Variants in NUP210L observed in about 807,000 individuals in gnomAD.
NUP210L encodes the protein nucleoporin 210 like.
A neutral mutation model predicts 208.5 loss-of-function variants in NUP210L; 74 were observed. The observed-to-expected ratio is 0.35, with a 90% CI of 0.29 to 0.43. The LOEUF (loss-of-function observed/expected upper bound fraction) is 0.43, where lower values mean the gene tolerates loss of function less well. Among genes scored for constraint, NUP210L ranks in the 20% least tolerant of loss-of-function variants. NUP210L has a pLI of 1.00. For synonymous variants in NUP210L, 780 were observed against 816.9 expected (o/e 0.95, Z 0.77); for missense variants, 1,843 against 2,289.4 (o/e 0.81, Z 3.98).
intron 17 of NUP210L, 71 bp downstream of exon 17, chr1:154,070,197 AAAAAC>A (rs1003958607): frequency 1.3e-4 from 166 of 1,280,054 alleles, no homozygotes; most frequent in South Asian, 8.2e-4. Flanking sequence ...ACTTAAAGCA[AAAAAC>A]AAAACAAAAC....
chr1:154,081,761 TGCCTGAGCCCAGGAGTTCAAGACCA>T (rs1655340410), intron 16 of NUP210L, among the ~76,000 whole-genome samples: 3 of 152,156 alleles, frequency 2.0e-5, no homozygotes, highest in African/African-American at 7.2e-5. Context: ...ACAGGAAGAC[TGCCTGAGCCCAGGAGTTCAAGACCA>T]GCCTGGGCAA....
chr1:153,992,708 G>A (rs1649526640), exon 40 of NUP210L: 2 of 689,304 alleles, frequency 2.9e-6, no homozygotes, highest in African/African-American at 1.8e-5. Context: ...AACAGCTTAG[G>A]ATGCTTTATT....
chr1:154,092,759 C>T (rs1301483992), intron 15 of NUP210L, among the ~76,000 whole-genome samples: 1 of 152,004 alleles, frequency 6.6e-6, no homozygotes, highest in East Asian at 1.9e-4. Flanking sequence ...GGATCTTGCA[C>T]TGTCACCCAG....
At chr1:154,080,055 T>A (rs1655240009) in intron 16 of NUP210L, 1 of 151,846 alleles carries the variant, frequency 6.6e-6, no homozygotes, top group South Asian at 2.1e-4. Context: ...CACTAGAAAA[T>A]GTCTAACACA....
intron 12 of NUP210L, among the ~76,000 whole-genome samples, chr1:154,113,308 G>C: frequency 6.7e-6 from 1 of 150,262 alleles, no homozygotes. Flanking sequence ...TAATGGTCCA[G>C]GTCTCTTTTA....
chr1:154,025,683 G>A, exon 30 of NUP210L: 1 of 1,613,368 alleles, frequency 6.2e-7, no homozygotes, highest in Non-Finnish European at 8.5e-7. Context: ...GGAAACACTT[G>A]AGAACACGAG....
chr1:154,028,575 A>C (rs1244722623), intron 28 of NUP210L, among the ~76,000 whole-genome samples: 1 of 152,142 alleles, frequency 6.6e-6, no homozygotes, highest in Non-Finnish European at 1.5e-5. Context: ...CAACAGAGTG[A>C]AACTCTGTCT....
chr1:154,012,547 C>CT (rs34122117), intron 33 of NUP210L, among the ~76,000 whole-genome samples, 177 bp from the exon 34 acceptor site: 21,924 of 146,176 alleles, frequency 0.15, 1,901 homozygotes, highest in East Asian at 0.49. Flanking sequence ...GACAAAATAA[C>CT]TTTTTTTTTT....
At chr1:154,131,108 A>G (rs1202088906) in intron 7 of NUP210L, among the ~76,000 whole-genome samples, 6 of 151,716 alleles carry the variant, frequency 4.0e-5, no homozygotes, top group Non-Finnish European at 8.8e-5. Context: ...CTGCTAAAAA[A>G]AAAAATACAA....
chr1:154,152,744 C>G, exon 2 of NUP210L: 1 of 1,613,790 alleles, frequency 6.2e-7, no homozygotes, highest in Non-Finnish European at 8.5e-7. Flanking sequence ...ACCTATTTCT[C>G]GAGCAAGAAT....
intron 7 of NUP210L, among the ~76,000 whole-genome samples, chr1:154,132,024 G>A (rs1252236708): frequency 6.6e-6 from 1 of 152,136 alleles, no homozygotes; most frequent in Non-Finnish European, 1.5e-5. Context: ...TGACCAGGCT[G>A]GTCTCAAACT....
Position 154,060,904 on chromosome 1 carries a change from A to G in NUP210L, c.2748+38T>C, listed in dbSNP as rs775754323. The G allele has an allele frequency of 9.7e-6, 13 of 1,336,714 alleles. No homozygotes were observed. In the South Asian group the frequency reaches 9.9e-5, roughly 10 times the overall value. The allele number at this position is 1,336,714 out of a possible 1,614,324, so 82.8% of individuals were successfully genotyped here. A position where few individuals can be genotyped will look rare whatever the true frequency, so the allele number is the denominator to read the frequency against. ...TATTAATTTTAATAACTTCCCCTCC[A>G]ATATGATTCCATTTAACTAGACTCA... is the stretch of plus-strand genomic sequence containing the variant. On this transcript the variant is annotated intron_variant, in intron 19 of 39. Coordinates refer to ENST00000368559, the Ensembl canonical transcript of NUP210L.
intron 10 of NUP210L, among the ~76,000 whole-genome samples, chr1:154,124,754 C>T (rs1657794727): frequency 6.6e-6 from 1 of 152,028 alleles, no homozygotes; most frequent in Non-Finnish European, 1.5e-5. Context: ...GAGTTTGAGA[C>T]CATTGTGGGC....
chr1:154,102,176 A>AAAAT (rs1384536186), intron 13 of NUP210L, among the ~76,000 whole-genome samples: 3 of 152,136 alleles, frequency 2.0e-5, no homozygotes, highest in Non-Finnish European at 2.9e-5. Flanking sequence ...AAATTAAATA[A>AAAAT]AAATAAATAA....
At chr1:154,154,775 G>A (rs1284612113) in intron 1 of NUP210L, 67 bp downstream of exon 1, 8 of 1,304,404 alleles carry the variant, frequency 6.1e-6, no homozygotes, top group Admixed American at 1.7e-5. Flanking sequence ...ATCTTACAGA[G>A]GGAACCCCCC....
chr1:153,997,510 C>T (rs1435955218), intron 37 of NUP210L, among the ~76,000 whole-genome samples: 29 of 145,766 alleles, frequency 2.0e-4, no homozygotes, highest in African/African-American at 6.8e-4. Context: ...CTTTCTCACT[C>T]AGGCTGCAGT....
At chr1:154,124,416 A>G (rs1657779447) in intron 10 of NUP210L, among the ~76,000 whole-genome samples, 1 of 152,156 alleles carries the variant, frequency 6.6e-6, no homozygotes, top group Non-Finnish European at 1.5e-5. Flanking sequence ...CAGGCTAGTA[A>G]AAATCAGGAT....
At chr1:154,104,496 C>T in intron 12 of NUP210L, 1 of 357,428 alleles carries the variant, frequency 2.8e-6, no homozygotes, top group Non-Finnish European at 5.3e-6. Context: ...GCAGTGGCAG[C>T]AGCCACATGG....
chr1:154,046,633 A>C (rs1653199974), intron 25 of NUP210L, among the ~76,000 whole-genome samples: 1 of 152,248 alleles, frequency 6.6e-6, no homozygotes, highest in Non-Finnish European at 1.5e-5. Flanking sequence ...GTCATTTGCA[A>C]CAACATGGAT....
Sources: gnomAD v4.1 joint callset for allele counts (sites outside exome capture counted in the v4.1 genomes callset) on GRCh38, gnomAD v4.1.1 for gene constraint, MANE v1.5 for transcripts, NCBI Gene and HGNC (gene_info 2026-07-23, HGNC 2026-07-21) for gene names.